Variants in RXRG observed in about 807,000 individuals in gnomAD.
RXRG encodes retinoid X receptor gamma.
In RXRG, 19 loss-of-function variants were observed where a neutral mutation model predicts 49.2. That is an observed-to-expected ratio of 0.39 (90% CI 0.27 to 0.57). The LOEUF is 0.57. Ranked by LOEUF, RXRG falls within the 20% of genes least tolerant of loss-of-function variation. The pLI is 0.64. For missense variants in RXRG, 452 were observed against 592.5 expected, an observed-to-expected ratio of 0.76 and a Z score of 2.46; for synonymous variants, 224 against 216.6, an observed-to-expected ratio of 1.03 and a Z score of -0.30.
At position 165,428,899 on chromosome 1, in the gene RXRG, C is replaced by T. The variant is rs1324149519; in HGVS notation, c.117G>A (p.Met39Ile). The T allele has an allele frequency of 3.1e-6, 5 of 1,613,858 alleles. No individual in the cohort carries two copies. The highest frequency in any genetic ancestry group is 1.3e-5 in the African/African-American group (1 of 74,910). ...PSAALSTGKP[M>I]DSHPSYTDTP... ...TATCTGTGTAGCTGGGGTGGCTGTC[C>T]ATTGGCTTCCCTGTGGACAAGGCTG... is the stretch of plus-strand genomic sequence containing the variant. The change falls in exon 2 of 10, where the codon ATG (methionine) becomes ATA (isoleucine). Residue 39 changes from methionine to isoleucine, a missense_variant. Physicochemically the swap from Met to Ile is conservative, Grantham distance 10. Coordinates refer to ENST00000359842, the MANE Select transcript of RXRG (RefSeq NM_006917.5).
intron 4 of RXRG, among the ~76,000 whole-genome samples, chr1:165,413,559 C>T (rs558442621): frequency 7.2e-5 from 11 of 152,290 alleles, no homozygotes; most frequent in African/African-American, 2.6e-4. Context: ...GTACTGCCTC[C>T]AAGGTACTGG....
chr1:165,443,060 A>T (rs1328030426), intron 1 of RXRG, among the ~76,000 whole-genome samples: 1 of 152,214 alleles, frequency 6.6e-6, no homozygotes, highest in Non-Finnish European at 1.5e-5. Flanking sequence ...CAGTTTACAC[A>T]TCTATAAGAT....
chr1:165,435,254 G>A lies in RXRG; in HGVS notation c.50-6288C>T, dbSNP rs77093687. On this transcript the variant is annotated intron_variant, in intron 1 of 9. Transcript: ENST00000359842. ...AATAAGGGATACTCAGCTTGGAGTG[G>A]CTAACATTTATTAGGCAACTTCTAT... 7.8e-3 allele frequency among the ~76,000 whole-genome samples: 1,187 copies of A among 152,276 alleles called. 11 individuals are homozygous for A. Among genetic ancestry groups the A allele is most frequent in the African/African-American group, 0.027 (1,132 of 41,558 alleles).
chr1:165,436,801 G>T, intron 1 of RXRG: 1 of 516,426 alleles, frequency 1.9e-6, no homozygotes. Context: ...GAGTTCCTTG[G>T]CCTCTTTTAT....
intron 2 of RXRG, chr1:165,424,717 T>G (rs1658426255): frequency 1.1e-6 from 1 of 939,042 alleles, no homozygotes; most frequent in African/African-American, 1.8e-5. Context: ...CCCTAGACAC[T>G]TCCTCCTCCC....
chr1:165,444,009 A>G (rs1012783648), intron 1 of RXRG, among the ~76,000 whole-genome samples: 12 of 152,242 alleles, frequency 7.9e-5, no homozygotes, highest in African/African-American at 2.9e-4. Context: ...GGGCGGCTGT[A>G]CTGTTTCTGT....
In RXRG at chr1:165,411,044, C is replaced by T; in HGVS notation, c.688G>A (p.Gly230Ser). 1 of 1,614,114 alleles carries T rather than the reference C, an allele frequency of 6.2e-7. No homozygotes were observed. Among genetic ancestry groups the T allele is most frequent in the Non-Finnish European group, 8.5e-7 (1 of 1,180,012 alleles). ...CTCTCCACAGGCATGTCTTCATGAC[C>T]ACTGGTAGCACATTCTGCCTCACTC... ...AESEAECATS[G>S]HEDMPVERIL... The change falls in exon 5 of 10, where the codon GGT becomes AGT. Residue 230 changes from glycine to serine, a missense_variant. By Grantham distance (56) the Gly-to-Ser change is moderately conservative (BLOSUM62 0). Coordinates refer to ENST00000359842, the MANE Select transcript of RXRG (RefSeq NM_006917.5).
rs747564047 is a variant in RXRG, at chr1:165,417,023, G to C, written c.622+18C>G. The stretch of plus-strand genomic sequence containing the variant: ...TGCCTCTCTCCGGACACGAGTTTTG[G>C]AACTGAATGTGTCTCACCTTCCCTC... On this transcript the variant is annotated intron_variant, in intron 4 of 9. Transcript: ENST00000359842. 3.1e-6 allele frequency: 5 copies of C among 1,602,742 alleles called. No homozygotes were observed. The highest frequency in any genetic ancestry group is 3.4e-6 in the Non-Finnish European group (4 of 1,172,642).
At chr1:165,420,954 G>GT (rs1278773757) in intron 2 of RXRG, among the ~76,000 whole-genome samples, 1 of 152,218 alleles carries the variant, frequency 6.6e-6, no homozygotes, top group Non-Finnish European at 1.5e-5. Flanking sequence ...AGGTTTAGTG[G>GT]TTAGGAACTA....
At chr1:165,420,165 A>G in intron 2 of RXRG, 151 bp from the exon 3 acceptor site, 1 of 576,058 alleles carries the variant, frequency 1.7e-6, no homozygotes, top group Admixed American at 4.1e-5. Context: ...TATCTGTGAG[A>G]TGAACTTAAG....
At chr1:165,424,398 C>T (rs1216081855) in intron 2 of RXRG, among the ~76,000 whole-genome samples, 6 of 152,184 alleles carry the variant, frequency 3.9e-5, no homozygotes, top group African/African-American at 1.4e-4. Context: ...CCTAATAATA[C>T]CAAGTTACTG....
intron 2 of RXRG, among the ~76,000 whole-genome samples, chr1:165,420,726 G>A (rs1381249303): frequency 6.6e-6 from 1 of 152,154 alleles, no homozygotes; most frequent in African/African-American, 2.4e-5. Context: ...AGAAACTGAG[G>A]CTAAGTATCT....
At chr1:165,422,338 C>T (rs531605018) in intron 2 of RXRG, among the ~76,000 whole-genome samples, 2 of 152,280 alleles carry the variant, frequency 1.3e-5, no homozygotes, top group South Asian at 4.1e-4. Context: ...TATTCAGGAA[C>T]AATATGGAGA....
intron 2 of RXRG, among the ~76,000 whole-genome samples, chr1:165,422,106 G>A (rs1312882110): frequency 6.6e-6 from 1 of 152,118 alleles, no homozygotes; most frequent in Non-Finnish European, 1.5e-5. Context: ...TGAGGTTCAA[G>A]GGGTCCTCAC....
At chr1:165,401,651 A>G (rs942670359) in intron 9 of RXRG, among the ~76,000 whole-genome samples, 21 of 152,226 alleles carry the variant, frequency 1.4e-4, no homozygotes, top group African/African-American at 1.4e-4. Flanking sequence ...TTCTGTAGCC[A>G]TGTCCCAGGA....
At chr1:165,438,509 C>T (rs1161420248) in intron 1 of RXRG, among the ~76,000 whole-genome samples, 1 of 152,126 alleles carries the variant, frequency 6.6e-6, no homozygotes, top group Admixed American at 6.5e-5. Context: ...CACGGCTTGG[C>T]ACAGAATAGA....
At chr1:165,417,862 G>GGA (rs1422022063) in intron 3 of RXRG, among the ~76,000 whole-genome samples, 1 of 152,098 alleles carries the variant, frequency 6.6e-6, no homozygotes, top group Non-Finnish European at 1.5e-5. Flanking sequence ...CAGCACTTTG[G>GGA]GAGGCTGAGG....
At chr1:165,417,540 T>C (rs1164400908) in intron 3 of RXRG, among the ~76,000 whole-genome samples, 2 of 152,196 alleles carry the variant, frequency 1.3e-5, no homozygotes, top group Non-Finnish European at 2.9e-5. Context: ...ATGTTCTGCC[T>C]CCATTCAAAA....
intron 4 of RXRG, among the ~76,000 whole-genome samples, 186 bp downstream of exon 4, chr1:165,416,855 A>T (rs1041610314): frequency 6.6e-6 from 1 of 152,192 alleles, no homozygotes; most frequent in South Asian, 2.1e-4. Context: ...ATTGCAATAC[A>T]CGAGTACCCA....
Sources: gnomAD v4.1 joint callset for allele counts (sites outside exome capture counted in the v4.1 genomes callset) on GRCh38, gnomAD v4.1.1 for gene constraint, MANE v1.5 for transcripts, NCBI Gene and HGNC (gene_info 2026-07-23, HGNC 2026-07-21) for gene names.